Variants in PDE4D observed in about 807,000 individuals in gnomAD.
The protein encoded by PDE4D is 3',5'-cyclic-AMP phosphodiesterase 4D.
Under a neutral mutation model 87.4 loss-of-function variants are expected in PDE4D, and 24 were observed. The observed-to-expected ratio is 0.27, with a 90% CI of 0.20 to 0.39. The LOEUF is 0.39. Ranked by LOEUF, PDE4D falls within the 10% of genes least tolerant of loss-of-function variation. PDE4D has a pLI of 1.00. For synonymous variants in PDE4D, 384 were observed against 383.2 expected, an observed-to-expected ratio of 1.00 and a Z score of -0.02; for missense variants, 714 against 1,041.0, an observed-to-expected ratio of 0.69 and a Z score of 4.32.
At chr5:59,274,885 GTT>G (rs1764513413) in intron 1 of PDE4D, among the ~76,000 whole-genome samples, 2 of 152,048 alleles carry the variant, frequency 1.3e-5, no homozygotes, top group South Asian at 4.1e-4. Context: ...TTAAATTCAA[GTT>G]TGTTTCATGT....
Position 59,599,817 on chromosome 5 carries a change from G to A in PDE4D, c.455+293351C>T, listed in dbSNP as rs529538376. Among the ~76,000 whole-genome samples, 27 of 152,262 alleles carry A rather than the reference G, an allele frequency of 1.8e-4. No individual in the cohort carries two copies. In the South Asian group the frequency reaches 1.9e-3, roughly 11 times the overall value. Reference sequence around the variant, plus strand: ...CCTTGGCTATCCAGGCTGGCTAGCCGTTGGTATTGACTCCTCTGGGATTGG... The same window carrying A: ...CCTTGGCTATCCAGGCTGGCTAGCCATTGGTATTGACTCCTCTGGGATTGG... On this transcript the variant is annotated intron_variant, in intron 1 of 14. Coordinates refer to ENST00000340635, the MANE Select transcript of PDE4D (RefSeq NM_001104631.2).
chr5:60,304,717 C>CCTGA (rs1754315813), intron 1 of PDE4D, among the ~76,000 whole-genome samples: 1 of 150,212 alleles, frequency 6.7e-6, no homozygotes, highest in Non-Finnish European at 1.5e-5. Context: ...GAGGAGCAAT[C>CCTGA]CTGATAGGTT....
At chr5:60,160,723 T>C in intron 2 of PDE4D, 1 of 409,824 alleles carries the variant, frequency 2.4e-6, no homozygotes, top group Admixed American at 3.1e-5. Context: ...GACTCTTACT[T>C]TTAAGAATAT....
At chr5:60,024,710 T>C (rs1766439489) in intron 2 of PDE4D, among the ~76,000 whole-genome samples, 1 of 152,164 alleles carries the variant, frequency 6.6e-6, no homozygotes, top group Non-Finnish European at 1.5e-5. Flanking sequence ...CAGAGGTTTT[T>C]AAATCACGGT....
At chr5:59,586,495 T>C (rs1825151095) in intron 1 of PDE4D, 1 of 1,298,752 alleles carries the variant, frequency 7.7e-7, no homozygotes, top group Admixed American at 3.6e-5. Flanking sequence ...TTGCAACAAG[T>C]ATTGAATCCC....
At chr5:59,195,313 C>T (rs1288057557) in intron 2 of PDE4D, among the ~76,000 whole-genome samples, 1 of 152,152 alleles carries the variant, frequency 6.6e-6, no homozygotes, top group East Asian at 1.9e-4. Context: ...AAGGCTCTTT[C>T]CTAGAACAAT....
chr5:60,121,144 G>A (rs756920158), intron 2 of PDE4D, among the ~76,000 whole-genome samples: 22 of 151,744 alleles, frequency 1.4e-4, no homozygotes, highest in Non-Finnish European at 2.1e-4. Context: ...GGCCTATTGT[G>A]GGACCATGTG....
In PDE4D at chr5:60,280,327, A is replaced by ATATATATATATAT. The variant is rs1444768310; in HGVS notation, c.-89-94641_-89-94640insATATATATATATA. ...CTATATACATACATATATATATATA[A>ATATATATATATAT]ATATATATACACACATATATATAAA... On this transcript the variant is annotated intron_variant, in intron 1 of 16. Coordinates refer to the PDE4D transcript ENST00000502484. 6.1e-4 allele frequency among the ~76,000 whole-genome samples: 87 copies of ATATATATATATAT among 142,608 alleles called. 1 individual carries two copies. The South Asian group carries it at 9.7e-3, about 16-fold the overall frequency. The allele number at this position is 142,608 out of a possible 152,430, so 93.6% of individuals were successfully genotyped here.
chr5:59,290,905 G>A (rs749667420), intron 1 of PDE4D, among the ~76,000 whole-genome samples: 1 of 152,010 alleles, frequency 6.6e-6, no homozygotes. Flanking sequence ...AGCTAAAATG[G>A]CTTTTATGCA....
intron 1 of PDE4D, among the ~76,000 whole-genome samples, chr5:59,438,256 G>A (rs944936513): frequency 6.6e-6 from 1 of 152,126 alleles, no homozygotes; most frequent in Non-Finnish European, 1.5e-5. Flanking sequence ...CCTTGTGGCT[G>A]GCTAACATCA....
rs185563255 is a variant in PDE4D, at chr5:59,690,900, G to T, written c.455+202268C>A. On this transcript the variant is annotated intron_variant, in intron 1 of 14. Coordinates refer to ENST00000340635, the MANE Select transcript of PDE4D (RefSeq NM_001104631.2). ...AAAAATCAAACAACCACATCAAAAA[G>T]TGGGCAAAGGATATGAACAGACACT... 5.3e-5 allele frequency among the ~76,000 whole-genome samples: 8 copies of T among 152,232 alleles called. No individual in the cohort carries two copies. In the East Asian group the frequency reaches 1.5e-3, roughly 29 times the overall value.
chr5:59,180,641 T>C lies in PDE4D; in HGVS notation c.762A>G (p.Arg254=). The change falls in exon 5 of 15, where the codon AGA becomes AGG. Residue 254 remains arginine (R), a synonymous_variant. Coordinates refer to ENST00000340635, the MANE Select transcript of PDE4D (RefSeq NM_001104631.2). ...TNLQDRAPSK[R]SPMCNQPSIN... ...TGGATGGTTGGTTGCACATGGGTGA[T>C]CTTCTGACAAAGACAGAAAAACACA... 6 of 1,613,122 alleles carry C rather than the reference T, an allele frequency of 3.7e-6. No homozygotes were observed. Among genetic ancestry groups the C allele is most frequent in the Non-Finnish European group, 5.1e-6 (6 of 1,179,448 alleles).
intron 1 of PDE4D, among the ~76,000 whole-genome samples, chr5:59,692,931 G>C (rs1438949320): frequency 6.6e-6 from 1 of 152,100 alleles, no homozygotes; most frequent in Non-Finnish European, 1.5e-5. Flanking sequence ...AGTATGAGAA[G>C]AGTGACAGGG....
chr5:60,116,620 T>C (rs1778193028), intron 2 of PDE4D, among the ~76,000 whole-genome samples: 1 of 152,014 alleles, frequency 6.6e-6, no homozygotes, highest in Admixed American at 6.6e-5. Context: ...GGGAAAATAA[T>C]TGGGTTAATG....
At chr5:60,333,748 C>T (rs1222484443) in intron 1 of PDE4D, among the ~76,000 whole-genome samples, 1 of 152,194 alleles carries the variant, frequency 6.6e-6, no homozygotes, top group Admixed American at 6.5e-5. Flanking sequence ...GTTGTTACAA[C>T]TTTCCATTTG....
chr5:59,289,317 C>T (rs908120953), intron 1 of PDE4D, among the ~76,000 whole-genome samples: 2 of 151,790 alleles, frequency 1.3e-5, no homozygotes, highest in African/African-American at 4.8e-5. Context: ...ATTTACAAGC[C>T]TCCTGGTAAT....
At chr5:59,558,331 C>T (rs1477069929) in intron 1 of PDE4D, among the ~76,000 whole-genome samples, 1 of 152,062 alleles carries the variant, frequency 6.6e-6, no homozygotes, top group Non-Finnish European at 1.5e-5. Context: ...GGGATTAAAA[C>T]TGCAGTTCTC....
intron 5 of PDE4D, among the ~76,000 whole-genome samples, chr5:59,131,065 G>A (rs1776184231): frequency 6.6e-6 from 1 of 152,054 alleles, no homozygotes; most frequent in Admixed American, 6.6e-5. Context: ...ATGGCCCTTT[G>A]GAATCTATCT....
At chr5:59,252,526 G>A (rs979122136) in intron 1 of PDE4D, among the ~76,000 whole-genome samples, 2 of 150,388 alleles carry the variant, frequency 1.3e-5, no homozygotes, top group African/African-American at 2.5e-5. Context: ...ATATCATCTG[G>A]GTTTTTTTTT....
Sources: gnomAD v4.1 joint callset for allele counts (sites outside exome capture counted in the v4.1 genomes callset) on GRCh38, gnomAD v4.1.1 for gene constraint, MANE v1.5 for transcripts, NCBI Gene and HGNC (gene_info 2026-07-23, HGNC 2026-07-21) for gene names.